Variants in RGS10 observed in about 807,000 individuals in gnomAD.
RGS10 encodes the protein regulator of G-protein signalling 10.
RGS10 carries 11 observed loss-of-function variants against 23.5 expected under a neutral mutation model. The observed-to-expected ratio is 0.47, with a 90% CI of 0.29 to 0.77. RGS10 has a LOEUF of 0.77. Ranked by LOEUF, RGS10 falls within the 30% of genes least tolerant of loss-of-function variation. The probability of loss-of-function intolerance (pLI) is 0.08; values close to 1 mark genes in which losing one functional copy is unlikely to be tolerated. For synonymous variants in RGS10, 77 were observed against 83.2 expected (o/e 0.92, Z 0.41); for missense variants, 180 against 226.3 (o/e 0.80, Z 1.31).
intron 3 of RGS10, among the ~76,000 whole-genome samples, chr10:119,518,746 C>T (rs1361485769): frequency 6.6e-6 from 1 of 151,898 alleles, no homozygotes; most frequent in Non-Finnish European, 1.5e-5. Flanking sequence ...TCACTGTCGC[C>T]CAGGCTGGAG....
Position 119,538,004 on chromosome 10 carries a change from C to T in RGS10, c.49+4586G>A, listed in dbSNP as rs1422738893. 6.6e-6 allele frequency among the ~76,000 whole-genome samples: 1 copy of T among 152,172 alleles called. No individual in the cohort carries two copies. Among genetic ancestry groups the T allele is most frequent in the Non-Finnish European group, 1.5e-5 (1 of 68,046 alleles). ...TCTGTGGATCAGGACAGCTCTTTAC[C>T]TGAGATTATATCTTTCCTACTATTG... On this transcript the variant is annotated intron_variant, in intron 1 of 4. Coordinates refer to ENST00000369103, the MANE Select transcript of RGS10 (RefSeq NM_001005339.2). This position sits in a 1 kb window ranked among gnomAD's most constrained non-coding sequence, Gnocchi z 4.5.
chr10:119,508,332 C>G (rs1220538058), intron 4 of RGS10, among the ~76,000 whole-genome samples: 1 of 152,100 alleles, frequency 6.6e-6, no homozygotes, highest in East Asian at 1.9e-4. Flanking sequence ...GCATGGGGAC[C>G]CCTGATATTC....
intron 3 of RGS10, among the ~76,000 whole-genome samples, chr10:119,520,751 A>T (rs535556519): frequency 1.0e-3 from 159 of 152,024 alleles, no homozygotes; most frequent in African/African-American, 3.5e-3. Flanking sequence ...CTGGAAAAAT[A>T]AAAAAGCAGA....
intron 4 of RGS10, among the ~76,000 whole-genome samples, chr10:119,507,593 T>C (rs1221908467): frequency 6.9e-6 from 1 of 145,402 alleles, no homozygotes; most frequent in Non-Finnish European, 1.5e-5. Flanking sequence ...TTTTTTTTTT[T>C]TTTTTTTTTG....
chr10:119,513,200 G>A (rs964681991), intron 4 of RGS10, among the ~76,000 whole-genome samples: 6 of 152,124 alleles, frequency 3.9e-5, no homozygotes, highest in South Asian at 2.1e-4. Flanking sequence ...GCTCTTGCCT[G>A]TAATCCCAAC....
At chr10:119,505,322 C>CTTT (rs11317053) in intron 4 of RGS10, among the ~76,000 whole-genome samples, 6 of 90,054 alleles carry the variant, frequency 6.7e-5, no homozygotes, top group Non-Finnish European at 1.0e-4. Flanking sequence ...CATTCTGCAT[C>CTTT]TTTTTTTTTT....
rs568305540 is a variant in RGS10 at position 119,525,602 on chromosome 10, C to T, written c.255+430G>A. Among the ~76,000 whole-genome samples, 15 of 152,326 alleles carry T rather than the reference C, an allele frequency of 9.8e-5. No individual in the cohort carries two copies. The East Asian group carries it at 2.9e-3, about 29-fold the overall frequency. On this transcript the variant is annotated intron_variant, in intron 3 of 4. Coordinates refer to ENST00000369103, the MANE Select transcript of RGS10 (RefSeq NM_001005339.2). ...TCAGAGGCTTTCTCTGCAGGATGCT[C>T]GCCAACTATGGGACGCTCAGTACGA... is the stretch of plus-strand genomic sequence containing the variant.
intron 1 of RGS10, among the ~76,000 whole-genome samples, chr10:119,528,184 C>T (rs1237180111): frequency 6.6e-6 from 1 of 152,042 alleles, no homozygotes; most frequent in East Asian, 1.9e-4. Flanking sequence ...GTGATTCCCA[C>T]CGCACCCAGC....
In RGS10 at chr10:119,527,293, G is replaced by T; in HGVS notation, c.168+13C>A. On this transcript the variant is annotated intron_variant, in intron 2 of 4. Coordinates refer to ENST00000369103, the MANE Select transcript of RGS10 (RefSeq NM_001005339.2). This position sits in a 1 kb window ranked among gnomAD's most constrained non-coding sequence, Gnocchi z 4.2. ...CACTGCATCCATCCCGATTAACAAT[G>T]AAAAAGACAAACCCTAAATCTTTTC... The T allele has an allele frequency of 6.3e-7, 1 of 1,595,042 alleles. No homozygotes were observed. Among genetic ancestry groups the T allele is most frequent in the Non-Finnish European group, 8.6e-7 (1 of 1,163,066 alleles).
At chr10:119,506,498 C>G (rs1036557321) in intron 4 of RGS10, among the ~76,000 whole-genome samples, 1 of 152,248 alleles carries the variant, frequency 6.6e-6, no homozygotes, top group African/African-American at 2.4e-5. Flanking sequence ...CCCAAGCTCA[C>G]GGGTTCACGC....
At chr10:119,516,508 T>C (rs1056913088) in intron 3 of RGS10, 3 of 152,114 alleles carry the variant, frequency 2.0e-5, no homozygotes, top group East Asian at 1.9e-4. Flanking sequence ...TTCTGCTCAG[T>C]TCCACTTCCG....
At chr10:119,525,640 T>C (rs914065483) in intron 3 of RGS10, among the ~76,000 whole-genome samples, 2 of 152,232 alleles carry the variant, frequency 1.3e-5, no homozygotes, top group African/African-American at 2.4e-5. Flanking sequence ...CACTGAATAA[T>C]TGACAATCCC....
intron 3 of RGS10, among the ~76,000 whole-genome samples, chr10:119,515,974 G>A (rs781712699): frequency 5.3e-5 from 8 of 152,178 alleles, no homozygotes; most frequent in Non-Finnish European, 7.3e-5. Flanking sequence ...TCCTGTGGCC[G>A]GGCACAGTGG....
At chr10:119,503,712 G>T (rs771433956) in intron 4 of RGS10, among the ~76,000 whole-genome samples, 1 of 152,168 alleles carries the variant, frequency 6.6e-6, no homozygotes, top group Non-Finnish European at 1.5e-5. Flanking sequence ...TGCCATCAGG[G>T]TTGGTTTCTC....
intron 1 of RGS10, among the ~76,000 whole-genome samples, chr10:119,534,300 TAAATAAAA>T (rs1320696453): frequency 3.3e-5 from 3 of 92,286 alleles, no homozygotes; most frequent in African/African-American, 1.0e-4. Context: ...AATAAATAAA[TAAATAAAA>T]AAGGCCAGGC....
chr10:119,515,366 A>T, intron 4 of RGS10, 143 bp downstream of exon 4: 1 of 940,558 alleles, frequency 1.1e-6, no homozygotes, highest in South Asian at 1.7e-5. Context: ...CTCCCCAACC[A>T]TGGCCCCTCA....
At chr10:119,501,984 C>T (rs1843957942) in intron 4 of RGS10, among the ~76,000 whole-genome samples, 1 of 152,148 alleles carries the variant, frequency 6.6e-6, no homozygotes, top group African/African-American at 2.4e-5. Context: ...TGCCCATCCC[C>T]TGGTGCCCTT....
rs1325163623 is a variant in RGS10, at chr10:119,499,949, A to G, written c.*164T>C. 1.7e-6 allele frequency: 1 copy of G among 594,608 alleles called. No homozygotes were observed. The highest frequency in any genetic ancestry group is 2.8e-6 in the Non-Finnish European group (1 of 355,360). 36.8% of individuals were successfully genotyped at this position (594,608 alleles called of 1,614,324 possible). A position where few individuals can be genotyped will look rare whatever the true frequency, so the allele number is the denominator to read the frequency against. ...ATTCTTTTTTTATGTTAGCTTAGCCATCATGCAAAATTTACTGGTGAAGCA... is the reference window on the plus strand; with the variant it reads ...ATTCTTTTTTTATGTTAGCTTAGCCGTCATGCAAAATTTACTGGTGAAGCA... On this transcript the variant is annotated 3_prime_UTR_variant, in exon 5 of 5. Transcript: ENST00000369103.
intron 1 of RGS10, among the ~76,000 whole-genome samples, chr10:119,533,561 G>A (rs183270399): frequency 2.0e-5 from 3 of 152,234 alleles, no homozygotes; most frequent in African/African-American, 7.2e-5. Flanking sequence ...CCAACTTCTG[G>A]TACCTGGATC....
Sources: gnomAD v4.1 joint callset for allele counts (sites outside exome capture counted in the v4.1 genomes callset) on GRCh38, gnomAD v4.1.1 for gene constraint, Gnocchi (gnomAD v3.1) non-coding constraint, MANE v1.5 for transcripts, NCBI Gene and HGNC (gene_info 2026-07-23, HGNC 2026-07-21) for gene names.